The following PCDHGA2 variants were observed in gnomAD, a reference collection of about 807,000 sequenced individuals.
The protein encoded by PCDHGA2 is protocadherin gamma-A2.
In PCDHGA2, 40 loss-of-function variants were observed where a neutral mutation model predicts 59.2. That is an observed-to-expected ratio of 0.68 (90% confidence interval 0.52 to 0.88). The LOEUF is 0.88. Ranked by LOEUF, PCDHGA2 falls within the 40% of genes least tolerant of loss-of-function variation. The probability of loss-of-function intolerance (pLI) is 0.00; values close to 1 mark genes in which losing one functional copy is unlikely to be tolerated. For missense variants in PCDHGA2, 1,226 were observed against 1,204.0 expected (o/e 1.02, Z -0.27); for synonymous variants, 560 against 526.0 (o/e 1.06, Z -0.89).
intron 1 of PCDHGA2, chr5:141,372,142 A>T: frequency 2.5e-6 from 4 of 1,613,728 alleles, no homozygotes; most frequent in Non-Finnish European, 3.4e-6. Flanking sequence ...CGCTCTGCAG[A>T]GCCTGGCTAC....
At chr5:141,361,203 A>G (rs1192913836) in intron 1 of PCDHGA2, 4 of 1,613,850 alleles carry the variant, frequency 2.5e-6, no homozygotes, top group Non-Finnish European at 3.4e-6. Flanking sequence ...CTACTCCCCT[A>G]CCGGAGGATT....
intron 1 of PCDHGA2, chr5:141,365,341 A>T: frequency 6.2e-7 from 1 of 1,613,960 alleles, no homozygotes; most frequent in African/African-American, 1.3e-5. Context: ...TGGTCACAGT[A>T]CAGGACGTGA....
intron 1 of PCDHGA2, chr5:141,360,424 G>C (rs1561520496): frequency 1.2e-6 from 2 of 1,613,958 alleles, no homozygotes; most frequent in East Asian, 2.2e-5. Context: ...ACAGATATGC[G>C]GGAAGCAGCC....
At chr5:141,364,790 C>T (rs796800411) in intron 1 of PCDHGA2, 2 of 1,614,014 alleles carry the variant, frequency 1.2e-6, no homozygotes, top group Admixed American at 1.7e-5. Flanking sequence ...ACGGTTAGTG[C>T]TTCCCTTCGC....
chr5:141,454,172 C>T (rs1001368287), intron 1 of PCDHGA2, among the ~76,000 whole-genome samples: 4 of 152,126 alleles, frequency 2.6e-5, no homozygotes, highest in Non-Finnish European at 5.9e-5. Context: ...TCTAGAAGGG[C>T]AGCTAAAGGA....
At position 141,361,169 on chromosome 5, in the gene PCDHGA2, C is replaced by T. The variant is rs1761915168; in HGVS notation, c.2424+19774C>T. 1.9e-6 allele frequency: 3 copies of T among 1,613,908 alleles called. No homozygotes were observed. The East Asian group carries it at 6.7e-5, about 36-fold the overall frequency. On this transcript the variant is annotated intron_variant, in intron 1 of 3. Coordinates refer to ENST00000394576, the MANE Select transcript of PCDHGA2 (RefSeq NM_018915.4). ...ATTCTTGATGACAACGATTGTGCAC[C>T]TGAAGTTATTGTGACTTCAGTATCT...
rs199952854 is a variant in PCDHGA2 at position 141,477,297 on chromosome 5, G to T, written c.2425-17510G>T. 4 of 1,614,176 alleles carry T rather than the reference G, an allele frequency of 2.5e-6. No individual in the cohort carries two copies. Among genetic ancestry groups the T allele is most frequent in the Non-Finnish European group, 3.4e-6 (4 of 1,180,040 alleles). On this transcript the variant is annotated intron_variant, in intron 1 of 3. Coordinates refer to ENST00000394576, the MANE Select transcript of PCDHGA2 (RefSeq NM_018915.4). The surrounding 1 kb of genome is among the most constrained non-coding windows in gnomAD (Gnocchi z 4.9). ...CTGGTGACCTGCGAAGTTCCACCGGGTCTCCCTTTCAGCCTTACTTCTTCC... is the reference window on the plus strand; with the variant it reads ...CTGGTGACCTGCGAAGTTCCACCGGTTCTCCCTTTCAGCCTTACTTCTTCC...
intron 1 of PCDHGA2, chr5:141,478,429 G>C: frequency 6.2e-7 from 1 of 1,613,674 alleles, no homozygotes; most frequent in Non-Finnish European, 8.5e-7. Flanking sequence ...GCAGCGACCC[G>C]CTGCTGAAGA....
intron 1 of PCDHGA2, chr5:141,356,208 A>G (rs770917975): frequency 1.2e-6 from 2 of 1,605,788 alleles, no homozygotes; most frequent in Admixed American, 1.7e-5. Context: ...TACTGGTGAC[A>G]GTTCTGGATG....
intron 1 of PCDHGA2, chr5:141,423,800 T>C: frequency 1.6e-5 from 14 of 895,104 alleles, no homozygotes; most frequent in East Asian, 1.3e-4. Context: ...TTTAGAGCAA[T>C]ACATGTGAGT....
Position 141,456,465 on chromosome 5 carries a change from C to T in PCDHGA2, c.2425-38342C>T, listed in dbSNP as rs553441797. ...ACAGAGTCCAAATATCAATACAAGA[C>T]ATATAAGCAAGAGAGTGCTTAATAA... On this transcript the variant is annotated intron_variant, in intron 1 of 3. Coordinates refer to ENST00000394576, the MANE Select transcript of PCDHGA2 (RefSeq NM_018915.4). 2.6e-5 allele frequency among the ~76,000 whole-genome samples: 4 copies of T among 152,212 alleles called. No homozygotes were observed. In the East Asian group the frequency reaches 7.7e-4, roughly 29 times the overall value.
At chr5:141,377,095 T>G (rs887467044) in intron 1 of PCDHGA2, 5 of 152,298 alleles carry the variant, frequency 3.3e-5, no homozygotes, top group Non-Finnish European at 7.3e-5. Context: ...GTTTTTCTTT[T>G]ATATCAAAAG....
chr5:141,344,765 G>T lies in PCDHGA2; in HGVS notation c.2424+3370G>T, dbSNP rs370785144. The T allele has an allele frequency of 1.2e-5, 19 of 1,613,984 alleles. No individual in the cohort carries two copies. In the African/African-American group the frequency reaches 2.1e-4, roughly 18 times the overall value. On this transcript the variant is annotated intron_variant, in intron 1 of 3. Coordinates refer to ENST00000394576, the MANE Select transcript of PCDHGA2 (RefSeq NM_018915.4). ...ATGACAACCCACCAATGTTTACTCA[G>T]CCTGAGTACCGTGTGAGTGTTTGGG...
At chr5:141,346,511 T>C (rs372625044) in intron 1 of PCDHGA2, 1 of 1,605,376 alleles carries the variant, frequency 6.2e-7, no homozygotes, top group Non-Finnish European at 8.5e-7. Flanking sequence ...ATGTGGTTAT[T>C]ATAAAGCTTT....
intron 1 of PCDHGA2, among the ~76,000 whole-genome samples, chr5:141,347,364 A>G (rs1002042968): frequency 1.3e-5 from 2 of 151,966 alleles, no homozygotes; most frequent in African/African-American, 2.4e-5. Context: ...TATGTTTCCC[A>G]GGCTGGTCTG....
In PCDHGA2 at chr5:141,385,180, G is replaced by A. The variant is rs200338637; in HGVS notation, c.2424+43785G>A. On this transcript the variant is annotated intron_variant, in intron 1 of 3. Coordinates refer to ENST00000394576, the MANE Select transcript of PCDHGA2 (RefSeq NM_018915.4). ...CTATTCCCATGAGGTCTCCCTCACC[G>A]CGGACTCTCGGAAGAGTCACCTGAT... The A allele has an allele frequency of 2.4e-4, 390 of 1,614,178 alleles. 1 individual carries two copies. The highest frequency in any genetic ancestry group is 3.1e-4 in the Non-Finnish European group (365 of 1,180,034).
intron 1 of PCDHGA2, chr5:141,394,892 C>T (rs267600457): frequency 4.5e-4 from 723 of 1,613,752 alleles, no homozygotes; most frequent in Non-Finnish European, 5.8e-4. Context: ...CACTCTATCT[C>T]GTGGTGGCAG....
At chr5:141,384,521 C>T (rs1255804611) in intron 1 of PCDHGA2, 3 of 1,614,122 alleles carry the variant, frequency 1.9e-6, no homozygotes, top group Non-Finnish European at 1.7e-6. Flanking sequence ...GGGGACCCGC[C>T]TCTCAGCAGC....
intron 1 of PCDHGA2, chr5:141,399,141 C>T (rs778835051): frequency 1.9e-6 from 3 of 1,613,660 alleles, no homozygotes; most frequent in African/African-American, 1.3e-5. Flanking sequence ...ATGAAAATGA[C>T]AATAGCCCAG....
Sources: gnomAD v4.1 joint callset for allele counts (sites outside exome capture counted in the v4.1 genomes callset) on GRCh38, gnomAD v4.1.1 for gene constraint, Gnocchi (gnomAD v3.1) non-coding constraint, MANE v1.5 for transcripts, NCBI Gene and HGNC (gene_info 2026-07-23, HGNC 2026-07-21) for gene names.